The following CHST11 variants were observed in gnomAD, a reference collection of about 807,000 sequenced individuals.
The protein encoded by CHST11 is carbohydrate sulfotransferase 11, also known as C4S-1.
A neutral mutation model predicts 30.4 loss-of-function variants in CHST11; 9 were observed. The observed-to-expected ratio is 0.30, with a 90% CI of 0.18 to 0.52. The LOEUF (loss-of-function observed/expected upper bound fraction) is 0.52. CHST11 is among the 20% of genes least tolerant of loss of function. The pLI is 0.97. For synonymous variants in CHST11, 152 were observed against 187.8 expected, an observed-to-expected ratio of 0.81 and a Z score of 1.56; for missense variants, 348 against 460.6, an observed-to-expected ratio of 0.76 and a Z score of 2.24.
rs140907613 is a variant in CHST11, at chr12:104,634,121, A to G, written c.204+32130A>G. The stretch of plus-strand genomic sequence containing the variant: ...CTTATAGAACTGGTAATCTAAGCTC[A>G]TTGCCATTGTGTTGATGAGTAATTA... On this transcript the variant is annotated intron_variant, in intron 2 of 2. Coordinates refer to ENST00000303694, the MANE Select transcript of CHST11 (RefSeq NM_018413.6). Among the ~76,000 whole-genome samples, 641 of 152,358 alleles carry G rather than the reference A, an allele frequency of 4.2e-3. 5 individuals carry two copies. The highest frequency in any genetic ancestry group is 0.014 in the African/African-American group (602 of 41,594).
intron 2 of CHST11, among the ~76,000 whole-genome samples, chr12:104,615,600 G>C (rs1384951338): frequency 6.6e-6 from 1 of 152,194 alleles, no homozygotes; most frequent in East Asian, 1.9e-4. Flanking sequence ...CTTCTTACCA[G>C]CTCTGTGCCT....
chr12:104,479,610 A>G (rs1215317541), intron 1 of CHST11, among the ~76,000 whole-genome samples: 1 of 152,224 alleles, frequency 6.6e-6, no homozygotes, highest in Non-Finnish European at 1.5e-5. Flanking sequence ...TTTCTGATGA[A>G]TAACAACCAA....
chr12:104,737,478 T>C (rs1488178831), intron 2 of CHST11, among the ~76,000 whole-genome samples: 1 of 152,238 alleles, frequency 6.6e-6, no homozygotes, highest in African/African-American at 2.4e-5. Flanking sequence ...TGTCAAGTAC[T>C]TCGTGGGATG....
intron 1 of CHST11, among the ~76,000 whole-genome samples, chr12:104,518,487 T>C (rs1264208183): frequency 1.3e-5 from 2 of 152,140 alleles, no homozygotes; most frequent in African/African-American, 4.8e-5. Flanking sequence ...GATAAAGACC[T>C]AGGCAAATAC....
At chr12:104,691,453 G>A (rs1012467727) in intron 2 of CHST11, among the ~76,000 whole-genome samples, 1 of 151,784 alleles carries the variant, frequency 6.6e-6, no homozygotes, top group East Asian at 1.9e-4. Flanking sequence ...AAAGAATACT[G>A]GGGGCGGGGG....
At chr12:104,517,049 C>T (rs2038031264) in intron 1 of CHST11, among the ~76,000 whole-genome samples, 1 of 152,180 alleles carries the variant, frequency 6.6e-6, no homozygotes. Flanking sequence ...TCCAAATCCT[C>T]TCCATCATAG....
intron 1 of CHST11, among the ~76,000 whole-genome samples, chr12:104,548,318 A>G (rs1264370213): frequency 6.6e-6 from 1 of 152,182 alleles, no homozygotes; most frequent in Non-Finnish European, 1.5e-5. Context: ...ATCTCTGGGG[A>G]AAAATTCTGA....
chr12:104,462,922 T>C, intron 1 of CHST11, among the ~76,000 whole-genome samples: 1 of 152,188 alleles, frequency 6.6e-6, no homozygotes, highest in Non-Finnish European at 1.5e-5. Flanking sequence ...ATTGTTACAG[T>C]CCTCATTTTC....
At chr12:104,491,892 G>GC (rs2037750666) in intron 1 of CHST11, among the ~76,000 whole-genome samples, 1 of 152,066 alleles carries the variant, frequency 6.6e-6, no homozygotes, top group Non-Finnish European at 1.5e-5. Context: ...ATTGTGACCT[G>GC]CCCCCTACCA....
chr12:104,469,276 G>A (rs2037486018), intron 1 of CHST11, among the ~76,000 whole-genome samples: 2 of 152,218 alleles, frequency 1.3e-5, no homozygotes, highest in African/African-American at 2.4e-5. Context: ...GGCCAAAACT[G>A]TGTAGCAATT....
rs181912658 is a variant in CHST11, at chr12:104,549,542, A to G, written c.119-52364A>G. On this transcript the variant is annotated intron_variant, in intron 1 of 2. Transcript: ENST00000303694. ...AGATTACAAGTGATTTATGGGTTCC[A>G]CCTCCTAAGAGGTCCAGTGTGGGAA... is the stretch of plus-strand genomic sequence containing the variant. Among the ~76,000 whole-genome samples, 305 of 152,246 alleles carry G rather than the reference A, an allele frequency of 2.0e-3. 1 individual carries two copies. Among genetic ancestry groups the G allele is most frequent in the African/African-American group, 7.1e-3 (296 of 41,522 alleles).
At chr12:104,561,866 C>G (rs1404740424) in intron 1 of CHST11, among the ~76,000 whole-genome samples, 2 of 150,698 alleles carry the variant, frequency 1.3e-5, no homozygotes, top group Non-Finnish European at 3.0e-5. Flanking sequence ...TCTCGGCTCA[C>G]TGCAACCTCT....
At chr12:104,589,429 A>C (rs963653247) in intron 1 of CHST11, among the ~76,000 whole-genome samples, 5 of 151,644 alleles carry the variant, frequency 3.3e-5, no homozygotes, top group Admixed American at 3.3e-4. Context: ...ATTCAAATTC[A>C]TAGAGACAGG....
At chr12:104,607,076 A>C (rs945681218) in intron 2 of CHST11, among the ~76,000 whole-genome samples, 1 of 152,034 alleles carries the variant, frequency 6.6e-6, no homozygotes, top group African/African-American at 2.4e-5. Context: ...AAAAATAAAT[A>C]AATAAATAAA....
In CHST11 at chr12:104,671,359, T is replaced by A. The variant is rs137912720; in HGVS notation, c.204+69368T>A. ...TATTTGGTTTTGCTGTGCCTTCATT[T>A]CCCCATTTGCAGAGTGGGGTCAGTA... On this transcript the variant is annotated intron_variant, in intron 2 of 2. Coordinates refer to ENST00000303694, the MANE Select transcript of CHST11 (RefSeq NM_018413.6). 2.2e-3 allele frequency among the ~76,000 whole-genome samples: 341 copies of A among 152,278 alleles called. 2 individuals carry two copies. Among genetic ancestry groups the A allele is most frequent in the African/African-American group, 7.7e-3 (321 of 41,550 alleles).
intron 1 of CHST11, among the ~76,000 whole-genome samples, chr12:104,574,663 A>C (rs1847703080): frequency 6.6e-6 from 1 of 151,998 alleles, no homozygotes; most frequent in Non-Finnish European, 1.5e-5. Context: ...GAACAATGAG[A>C]ACACTTGAAC....
At chr12:104,555,525 A>G (rs1033032881) in intron 1 of CHST11, among the ~76,000 whole-genome samples, 8 of 152,142 alleles carry the variant, frequency 5.3e-5, no homozygotes, top group Non-Finnish European at 1.2e-4. Context: ...TTTATAGAAG[A>G]CACTGTTCTG....
chr12:104,503,466 A>G (rs573972878), intron 1 of CHST11, among the ~76,000 whole-genome samples: 5 of 152,334 alleles, frequency 3.3e-5, no homozygotes, highest in Non-Finnish European at 7.4e-5. Context: ...GCTGGCATTT[A>G]ATACCCACCT....
chr12:104,535,073 C>G (rs1448770414), intron 1 of CHST11, among the ~76,000 whole-genome samples: 1 of 152,196 alleles, frequency 6.6e-6, no homozygotes, highest in African/African-American at 2.4e-5. Context: ...TAAAATCACT[C>G]CTTGTGGAGC....
Sources: allele counts gnomAD v4.1 joint callset (sites outside exome capture counted in the v4.1 genomes callset), GRCh38; gene constraint gnomAD v4.1.1; transcripts MANE v1.5; gene names NCBI Gene and HGNC (gene_info 2026-07-23, HGNC 2026-07-21).